SORCS1: variants seen among roughly 807,000 people sequenced by gnomAD.
SORCS1 encodes the protein sortilin related VPS10 domain containing receptor 1, also known as VPS10 domain-containing receptor SorCS1.
Under a neutral mutation model 146.1 loss-of-function variants are expected in SORCS1, and 60 were observed. The observed-to-expected ratio is 0.41, with a 90% CI of 0.33 to 0.51. The LOEUF (loss-of-function observed/expected upper bound fraction) is 0.51, where lower values mean the gene tolerates loss of function less well. SORCS1 is among the 20% of genes least tolerant of loss of function. The pLI is 0.21. For missense variants in SORCS1, 1,352 were observed against 1,487.6 expected, an observed-to-expected ratio of 0.91 and a Z score of 1.50; for synonymous variants, 637 against 584.0, an observed-to-expected ratio of 1.09 and a Z score of -1.31.
intron 5 of SORCS1, among the ~76,000 whole-genome samples, chr10:106,750,351 C>T (rs1349313597): frequency 6.6e-6 from 1 of 151,980 alleles, no homozygotes; most frequent in Non-Finnish European, 1.5e-5. Context: ...ATGAAGGTCG[C>T]ATGAAAAGTG....
At position 106,629,218 on chromosome 10, in the gene SORCS1, C is replaced by T; in HGVS notation, c.2646G>A (p.Leu882=). 6.2e-7 allele frequency: 1 copy of T among 1,613,710 alleles called. No homozygotes were observed. Among genetic ancestry groups the T allele is most frequent in the South Asian group, 1.1e-5 (1 of 90,994 alleles). Residue 882 remains leucine, a synonymous_variant, in exon 19 of 26, where the codon CTG becomes CTA. Coordinates refer to ENST00000263054, the MANE Select transcript of SORCS1 (RefSeq NM_052918.5). ...DNSLGSDSAV[L]YLHVTCPLEH... ...ATAACATACAAGTTACATGTAAGTACAGGACGGCGCTGTCAGAACCCAGAC... is the reference window on the plus strand; with the variant it reads ...ATAACATACAAGTTACATGTAAGTATAGGACGGCGCTGTCAGAACCCAGAC...
At chr10:106,688,663 T>C (rs1343606919) in intron 9 of SORCS1, among the ~76,000 whole-genome samples, 2 of 152,178 alleles carry the variant, frequency 1.3e-5, no homozygotes, top group Non-Finnish European at 2.9e-5. Flanking sequence ...GCTTGGTAAG[T>C]AATAATAAAT....
chr10:107,153,427 G>T (rs961756225), intron 1 of SORCS1, among the ~76,000 whole-genome samples: 1 of 152,206 alleles, frequency 6.6e-6, no homozygotes, highest in African/African-American at 2.4e-5. Context: ...CAGAGATTGA[G>T]ATTTAAACTG....
In SORCS1 at chr10:107,035,273, A is replaced by C. The variant is rs550368113; in HGVS notation, c.559-78693T>G. 1.4e-3 allele frequency among the ~76,000 whole-genome samples: 195 copies of C among 143,692 alleles called. 2 individuals are homozygous for C. Among genetic ancestry groups the C allele is most frequent in the Non-Finnish European group, 1.6e-3 (110 of 66,724 alleles). The allele number at this position is 143,692 out of a possible 152,430, so 94.3% of individuals were successfully genotyped here. A position where few individuals can be genotyped will look rare whatever the true frequency, so the allele number is the denominator to read the frequency against. On this transcript the variant is annotated intron_variant, in intron 1 of 25. Coordinates refer to ENST00000263054, the MANE Select transcript of SORCS1 (RefSeq NM_052918.5). Reference sequence around the variant, plus strand: ...GTCCAGTGAAGCTTCAAAAAAAAAAAAACAACAAAAAAAAAAACACAGAAA... The same window carrying C: ...GTCCAGTGAAGCTTCAAAAAAAAAACAACAACAAAAAAAAAAACACAGAAA...
chr10:106,801,210 G>C (rs991478643), intron 3 of SORCS1, among the ~76,000 whole-genome samples: 3 of 152,070 alleles, frequency 2.0e-5, no homozygotes, highest in African/African-American at 4.8e-5. Flanking sequence ...TATTAAATAT[G>C]TGCTATTCAT....
intron 1 of SORCS1, among the ~76,000 whole-genome samples, chr10:107,127,904 C>G (rs1321003375): frequency 3.9e-5 from 6 of 152,198 alleles, no homozygotes; most frequent in Non-Finnish European, 8.8e-5. Flanking sequence ...GCTGTGTGAA[C>G]TTTGGCCAGT....
chr10:106,820,056 G>C (rs1947935196), intron 3 of SORCS1, among the ~76,000 whole-genome samples: 1 of 151,966 alleles, frequency 6.6e-6, no homozygotes, highest in Admixed American at 6.6e-5. Context: ...TCTCTTATCT[G>C]TGAGAGGCTG....
At chr10:107,178,397 T>C in the SORCS1 span, among the ~76,000 whole-genome samples, 1 of 152,090 alleles carries the variant, frequency 6.6e-6, no homozygotes, top group Non-Finnish European at 1.5e-5. Context: ...TTTGTCTTTC[T>C]GTGCCTGGCT....
intron 1 of SORCS1, among the ~76,000 whole-genome samples, chr10:106,987,202 C>T (rs559225010): frequency 6.6e-6 from 1 of 152,256 alleles, no homozygotes; most frequent in African/African-American, 2.4e-5. Context: ...TTCACTTAGG[C>T]TTCTGGAAAA....
intron 1 of SORCS1, among the ~76,000 whole-genome samples, chr10:107,037,896 G>A (rs1411261858): frequency 1.3e-5 from 2 of 152,282 alleles, no homozygotes; most frequent in South Asian, 2.1e-4. Flanking sequence ...GTGCGATCTT[G>A]GCTCATTGCA....
intron 1 of SORCS1, among the ~76,000 whole-genome samples, chr10:107,046,419 C>T (rs1254016351): frequency 2.0e-5 from 3 of 151,760 alleles, no homozygotes; most frequent in Non-Finnish European, 4.4e-5. Context: ...TTATGTTTAT[C>T]AATAAATACA....
At chr10:106,898,858 A>G (rs1229758461) in intron 2 of SORCS1, among the ~76,000 whole-genome samples, 4 of 152,154 alleles carry the variant, frequency 2.6e-5, no homozygotes, top group African/African-American at 9.7e-5. Context: ...CACAAACCCA[A>G]AGGCCCATTT....
chr10:106,838,134 A>G (rs1409608365), intron 2 of SORCS1, among the ~76,000 whole-genome samples: 1 of 152,192 alleles, frequency 6.6e-6, no homozygotes, highest in Non-Finnish European at 1.5e-5. Flanking sequence ...CCATGAAATA[A>G]AAATTGAGAA....
intron 7 of SORCS1, among the ~76,000 whole-genome samples, chr10:106,707,105 C>T (rs1854586323): frequency 6.6e-6 from 1 of 151,958 alleles, no homozygotes; most frequent in African/African-American, 2.4e-5. Context: ...GCACATGGCA[C>T]AGACAGGAGT....
chr10:106,779,538 A>G (rs949276933), intron 3 of SORCS1, among the ~76,000 whole-genome samples: 3 of 141,474 alleles, frequency 2.1e-5, no homozygotes, highest in African/African-American at 7.7e-5. Flanking sequence ...GTTTGACATT[A>G]TGGCCCATAT....
chr10:106,843,827 C>T (rs907290312), intron 2 of SORCS1, among the ~76,000 whole-genome samples: 2 of 152,128 alleles, frequency 1.3e-5, no homozygotes, highest in African/African-American at 2.4e-5. Context: ...AGGTTGTTTC[C>T]GTATCTTGGC....
At chr10:107,127,673 A>G (rs1308825638) in intron 1 of SORCS1, among the ~76,000 whole-genome samples, 2 of 152,166 alleles carry the variant, frequency 1.3e-5, no homozygotes, top group Non-Finnish European at 2.9e-5. Flanking sequence ...TCCATCCTGC[A>G]TAGACAGCTT....
intron 1 of SORCS1, among the ~76,000 whole-genome samples, chr10:107,081,923 C>A (rs1025874283): frequency 6.6e-6 from 1 of 152,236 alleles, no homozygotes; most frequent in East Asian, 1.9e-4. Context: ...TGTCTTTGGA[C>A]TCACAGCAAA....
At chr10:106,830,136 T>A (rs1403898071) in intron 2 of SORCS1, among the ~76,000 whole-genome samples, 1 of 152,196 alleles carries the variant, frequency 6.6e-6, no homozygotes, top group Non-Finnish European at 1.5e-5. Flanking sequence ...TCAGTCAGTC[T>A]TTTCTTATTA....
Sources: allele counts gnomAD v4.1 joint callset (sites outside exome capture counted in the v4.1 genomes callset), GRCh38; gene constraint gnomAD v4.1.1; transcripts MANE v1.5; gene names NCBI Gene and HGNC (gene_info 2026-07-23, HGNC 2026-07-21).